ANGPTL2: variants seen among roughly 807,000 people sequenced by gnomAD.
ANGPTL2 encodes angiopoietin-related protein 2.
A neutral mutation model predicts 52.8 loss-of-function variants in ANGPTL2; 25 were observed. That is an observed-to-expected ratio of 0.47 (90% CI 0.35 to 0.66). ANGPTL2 has a LOEUF of 0.66. ANGPTL2 is among the 30% of genes least tolerant of loss of function. ANGPTL2 has a pLI of 0.01. For synonymous variants in ANGPTL2, 276 were observed against 277.4 expected (o/e 1.00, Z 0.05); for missense variants, 546 against 656.9 (o/e 0.83, Z 1.84).
intron 1 of ANGPTL2, among the ~76,000 whole-genome samples, chr9:127,112,463 A>T (rs1047926756): frequency 6.6e-6 from 1 of 152,238 alleles, no homozygotes; most frequent in African/African-American, 2.4e-5. Flanking sequence ...GTGGCCAAGA[A>T]ACTGCCAGAG....
chr9:127,109,901 A>T (rs931364252), intron 1 of ANGPTL2, among the ~76,000 whole-genome samples: 1 of 152,164 alleles, frequency 6.6e-6, no homozygotes, highest in Admixed American at 6.5e-5. Context: ...AGTAGGAGTT[A>T]AATGGGCCAA....
chr9:127,096,223 A>G (rs1402807577), intron 2 of ANGPTL2, among the ~76,000 whole-genome samples: 1 of 152,076 alleles, frequency 6.6e-6, no homozygotes, highest in East Asian at 1.9e-4. Flanking sequence ...AAGGAGAAAA[A>G]GGTTTTGGTT....
intron 1 of ANGPTL2, among the ~76,000 whole-genome samples, chr9:127,114,524 C>G (rs574300046): frequency 5.4e-4 from 82 of 152,332 alleles, no homozygotes; most frequent in Non-Finnish European, 1.1e-3. Flanking sequence ...CGTCATTAGG[C>G]CTGCAGATCC....
intron 2 of ANGPTL2, among the ~76,000 whole-genome samples, chr9:127,096,359 C>T (rs2053138880): frequency 1.3e-5 from 2 of 152,196 alleles, no homozygotes; most frequent in African/African-American, 4.8e-5. Context: ...CAGGAGAGGC[C>T]GTTCGATGTG....
At chr9:127,089,943 G>A (rs749869886) in intron 4 of ANGPTL2, among the ~76,000 whole-genome samples, 118 of 152,196 alleles carry the variant, frequency 7.8e-4, no homozygotes, top group Non-Finnish European at 1.6e-3. Flanking sequence ...CAGGGGAGGG[G>A]CTGCTCCAGT....
intron 1 of ANGPTL2, among the ~76,000 whole-genome samples, chr9:127,111,076 G>T (rs992678063): frequency 3.3e-5 from 5 of 151,998 alleles, no homozygotes; most frequent in Non-Finnish European, 5.9e-5. Flanking sequence ...TTCCTCCCTG[G>T]TCTCATCTCT....
rs1040128351 is a variant in ANGPTL2 at position 127,091,829 on chromosome 9, G to A, written c.1123C>T (p.Arg375Cys). The change falls in exon 4 of 5, where the codon CGC becomes TGC. Residue 375 changes from arginine (R) to cysteine (C), a missense_variant. Arg to Cys is a radical substitution (Grantham distance 180). This residue lies in a region of ANGPTL2 where 261 missense variants were observed against 361.0 expected (regional missense o/e 0.72). Transcript: ENST00000373425. This position sits in a 1 kb window ranked among gnomAD's most constrained non-coding sequence, Gnocchi z 4.3. ...CTGGCGTATTCTGCAAAGACTTTGC[G>A]GCCGGACCAGTCCTCCATGGTCACC... The part of the protein sequence containing the change: ...LLVTMEDWSG[R>C]KVFAEYASFR... The A allele has an allele frequency of 5.6e-6, 9 of 1,614,004 alleles. No individual in the cohort carries two copies. Among genetic ancestry groups the A allele is most frequent in the African/African-American group, 2.7e-5 (2 of 74,900 alleles).
intron 2 of ANGPTL2, among the ~76,000 whole-genome samples, chr9:127,102,869 T>C (rs1357920816): frequency 6.6e-6 from 1 of 152,242 alleles, no homozygotes; most frequent in Non-Finnish European, 1.5e-5. Context: ...AACAAAACCT[T>C]TTAGAATAAA....
chr9:127,093,871 G>T lies in ANGPTL2; in HGVS notation c.873C>A (p.Ile291=). Reference sequence around the variant, plus strand: ...TGGTGTTCTCCGGCTTCACCAGGTAGATGGAGCTGGTGTCGTGGCCATCCT... The same window carrying T: ...TGGTGTTCTCCGGCTTCACCAGGTATATGGAGCTGGTGTCGTGGCCATCCT... ...ALEDGHDTSS[I]YLVKPENTNR... Residue 291 remains isoleucine, a synonymous_variant, in exon 3 of 5, where the codon ATC becomes ATA. Transcript: ENST00000373425. The T allele has an allele frequency of 6.2e-7, 1 of 1,614,138 alleles. No homozygotes were observed. The highest frequency in any genetic ancestry group is 8.5e-7 in the Non-Finnish European group (1 of 1,180,024).
intron 1 of ANGPTL2, among the ~76,000 whole-genome samples, chr9:127,115,350 T>G (rs1327442343): frequency 2.0e-5 from 3 of 152,168 alleles, no homozygotes; most frequent in African/African-American, 7.2e-5. Flanking sequence ...TCACCACACC[T>G]GGCTAATTTT....
chr9:127,112,255 GA>G (rs1371883489), intron 1 of ANGPTL2, among the ~76,000 whole-genome samples: 1 of 152,242 alleles, frequency 6.6e-6, no homozygotes, highest in Non-Finnish European at 1.5e-5. Flanking sequence ...GCTGAGTTTG[GA>G]AGTGTTTGCC....
At chr9:127,100,651 A>G (rs955425000) in intron 2 of ANGPTL2, among the ~76,000 whole-genome samples, 1 of 152,170 alleles carries the variant, frequency 6.6e-6, no homozygotes, top group Non-Finnish European at 1.5e-5. Context: ...CCAGGGTTCC[A>G]CAGGCACACT....
rs2054503195 is a variant in ANGPTL2 at position 127,108,664 on chromosome 9, T to C, written c.68A>G (p.Gln23Arg). 6.2e-7 allele frequency: 1 copy of C among 1,613,542 alleles called. No individual in the cohort carries two copies. Among genetic ancestry groups the C allele is most frequent in the African/African-American group, 1.3e-5 (1 of 74,832 alleles). ...LLAAMGAVAG[Q>R]EDGFEGTEEG... is the part of the protein sequence containing the mutation. ...CTCAGTGCCCTCAAAACCGTCCTCC[T>C]GGCCTGCAACAGCTCCCATGGCAGC... Residue 23 changes from glutamine to arginine, a missense_variant, in exon 2 of 5, where the codon CAG (glutamine) becomes CGG (arginine). Transcript: ENST00000373425.
chr9:127,096,933 G>A (rs893888833), intron 2 of ANGPTL2, among the ~76,000 whole-genome samples: 1 of 152,172 alleles, frequency 6.6e-6, no homozygotes, highest in Non-Finnish European at 1.5e-5. Context: ...GTGGTCATTA[G>A]AGGAGCCCCT....
intron 1 of ANGPTL2, among the ~76,000 whole-genome samples, chr9:127,118,914 G>A (rs2055744266): frequency 6.6e-6 from 1 of 152,240 alleles, no homozygotes; most frequent in South Asian, 2.1e-4. Context: ...TGTTTTCTCA[G>A]AAATTGCTCG....
rs755289672 is a variant in ANGPTL2, at chr9:127,088,919, G to A, written c.*20C>T. ...TGGGCTCCTGGCAATGGCCACGAGA[G>A]GTCAGGAGGGGGAGCTGGCTTAGTG... On this transcript the variant is annotated 3_prime_UTR_variant, in exon 5 of 5. Transcript: ENST00000373425. The A allele has an allele frequency of 1.9e-6, 3 of 1,614,072 alleles. No homozygotes were observed. Among genetic ancestry groups the A allele is most frequent in the South Asian group, 1.1e-5 (1 of 91,086 alleles).
intron 1 of ANGPTL2, among the ~76,000 whole-genome samples, chr9:127,120,058 A>G (rs1161871299): frequency 6.6e-6 from 1 of 152,238 alleles, no homozygotes; most frequent in Non-Finnish European, 1.5e-5. Context: ...AAGATGTATC[A>G]GTGTTGTCTG....
At position 127,088,872 on chromosome 9, in the gene ANGPTL2, G is replaced by A. The variant is rs2052089713; in HGVS notation, c.*67C>T. ...GAACTGGTGAGGAGTTGTTCTTTGT[G>A]CTGTGGCCAGCGTGACCAGGGTGGG... On this transcript the variant is annotated 3_prime_UTR_variant, in exon 5 of 5. Transcript: ENST00000373425. 1 of 1,578,928 alleles carries A rather than the reference G, an allele frequency of 6.3e-7. No individual in the cohort carries two copies. Among genetic ancestry groups the A allele is most frequent in the African/African-American group, 1.3e-5 (1 of 74,316 alleles).
At chr9:127,106,855 T>C (rs2054267890) in intron 2 of ANGPTL2, 1 of 152,206 alleles carries the variant, frequency 6.6e-6, no homozygotes, top group Non-Finnish European at 1.5e-5. Context: ...GTGAAATAAG[T>C]GTAAAGCAGG....
Sources: gnomAD v4.1 joint callset for allele counts (sites outside exome capture counted in the v4.1 genomes callset) on GRCh38, gnomAD v4.1.1 for gene constraint, gnomAD v4.1.1 regional missense constraint, Gnocchi (gnomAD v3.1) non-coding constraint, MANE v1.5 for transcripts, NCBI Gene and HGNC (gene_info 2026-07-23, HGNC 2026-07-21) for gene names.